BCAR3: variants seen among roughly 807,000 people sequenced by gnomAD.
BCAR3 encodes the protein breast cancer anti-estrogen resistance protein 3.
In BCAR3, 37 loss-of-function variants were observed where a neutral mutation model predicts 80.1. The ratio of observed to expected loss-of-function variants is 0.46; its 90% CI spans 0.36 to 0.61. The LOEUF (loss-of-function observed/expected upper bound fraction) is 0.61. Ranked by LOEUF, BCAR3 falls within the 20% of genes least tolerant of loss-of-function variation. The pLI, the probability that BCAR3 is intolerant of heterozygous loss-of-function variation, is 0.00. For missense variants in BCAR3, 978 were observed against 1,068.2 expected, an observed-to-expected ratio of 0.92 and a Z score of 1.18; for synonymous variants, 389 against 418.9, an observed-to-expected ratio of 0.93 and a Z score of 0.87.
chr1:93,654,768 A>AG (rs1251079614), intron 2 of BCAR3, among the ~76,000 whole-genome samples: 1 of 152,076 alleles, frequency 6.6e-6, no homozygotes, highest in African/African-American at 2.4e-5. Context: ...CCAGATACTC[A>AG]GGGGCTTGCT....
chr1:93,618,733 C>T (rs961541518), intron 3 of BCAR3, among the ~76,000 whole-genome samples: 1 of 152,162 alleles, frequency 6.6e-6, no homozygotes, highest in Non-Finnish European at 1.5e-5. Context: ...GACATAATCC[C>T]AAGCTCTCAA....
chr1:93,674,867 C>G lies in BCAR3; in HGVS notation c.64G>C (p.Ala22Pro). 1 of 1,585,236 alleles carries G rather than the reference C, an allele frequency of 6.3e-7. No homozygotes were observed. The highest frequency in any genetic ancestry group is 8.5e-7 in the Non-Finnish European group (1 of 1,170,584). ...CTGCTCAGAAGGTCCATGGATGAGG[C>G]CAGGGGGAACTGGTGATTCACCGGC... ...NMPVNHQFPL[A>P]SSMDLLSSRS... Residue 22 changes from alanine (A) to proline (P), a missense_variant, in exon 2 of 12, where the codon GCC (alanine) becomes CCC (proline). Transcript: ENST00000260502.
rs1426219722 is a variant in BCAR3 at position 93,580,963 on chromosome 1, C to A, written c.1686+1338G>T. 3.3e-5 allele frequency among the ~76,000 whole-genome samples: 5 copies of A among 152,242 alleles called. No homozygotes were observed. In the South Asian group the frequency reaches 1.0e-3, roughly 32 times the overall value. On this transcript the variant is annotated intron_variant, in intron 7 of 11. Coordinates refer to ENST00000260502, the MANE Select transcript of BCAR3 (RefSeq NM_003567.4). ...ATCACTTGAGCTCAGGAGTTCAAGACCAGCCTGAGCAACATGGCAAAACCC... is the reference window on the plus strand; with the variant it reads ...ATCACTTGAGCTCAGGAGTTCAAGAACAGCCTGAGCAACATGGCAAAACCC...
intron 2 of BCAR3, among the ~76,000 whole-genome samples, chr1:93,771,612 T>C (rs934232618): frequency 6.6e-6 from 1 of 152,240 alleles, no homozygotes; most frequent in Non-Finnish European, 1.5e-5. Context: ...AGTCATAAGT[T>C]AGAATGTCTG....
At chr1:93,768,702 C>T (rs1291244337) in intron 2 of BCAR3, among the ~76,000 whole-genome samples, 4 of 152,176 alleles carry the variant, frequency 2.6e-5, no homozygotes. Flanking sequence ...GCCCAGGGCC[C>T]CTGTGGGGAA....
chr1:93,719,343 T>TTG (rs1331648622), intron 2 of BCAR3, among the ~76,000 whole-genome samples: 2 of 130,832 alleles, frequency 1.5e-5, no homozygotes, highest in Non-Finnish European at 3.3e-5. Context: ...TGTTTTTTTT[T>TTG]TTTTTTTTTT....
intron 2 of BCAR3, among the ~76,000 whole-genome samples, chr1:93,764,952 A>G (rs1380295453): frequency 6.6e-6 from 1 of 152,148 alleles, no homozygotes; most frequent in African/African-American, 2.4e-5. Context: ...ACATGTTTGC[A>G]TCTCCTGTTC....
At chr1:93,653,791 T>C (rs1211068564) in intron 2 of BCAR3, among the ~76,000 whole-genome samples, 7 of 152,174 alleles carry the variant, frequency 4.6e-5, no homozygotes, top group African/African-American at 1.7e-4. Context: ...AAGCCCCACA[T>C]GGGGTAGGTG....
chr1:93,845,216 T>A (rs1655106238), intron 2 of BCAR3, among the ~76,000 whole-genome samples: 1 of 151,864 alleles, frequency 6.6e-6, no homozygotes, highest in Non-Finnish European at 1.5e-5. Flanking sequence ...GCAGAATTCC[T>A]CTGTATGGTT....
At chr1:93,656,893 G>A (rs928746475) in intron 2 of BCAR3, among the ~76,000 whole-genome samples, 4 of 152,084 alleles carry the variant, frequency 2.6e-5, no homozygotes, top group Admixed American at 2.6e-4. Context: ...AGTCTTTGTG[G>A]GTCTCAGGCT....
intron 2 of BCAR3, among the ~76,000 whole-genome samples, chr1:93,835,449 T>A (rs932924859): frequency 6.6e-6 from 1 of 152,026 alleles, no homozygotes; most frequent in African/African-American, 2.4e-5. Context: ...TCCCACCTAC[T>A]CTCCCACTGA....
chr1:93,654,214 T>C (rs1647257524), intron 2 of BCAR3, among the ~76,000 whole-genome samples: 1 of 152,152 alleles, frequency 6.6e-6, no homozygotes, highest in Non-Finnish European at 1.5e-5. Context: ...ACAGGGATTT[T>C]GTAGATGGAA....
intron 2 of BCAR3, among the ~76,000 whole-genome samples, chr1:93,652,719 G>A (rs1041805926): frequency 6.6e-6 from 1 of 151,670 alleles, no homozygotes; most frequent in Non-Finnish European, 1.5e-5. Flanking sequence ...ATCTCTACTT[G>A]CAACGGAGGG....
chr1:93,571,972 GT>G, intron 8 of BCAR3, 131 bp from the exon 9 acceptor site: 2 of 1,100,060 alleles, frequency 1.8e-6, no homozygotes, highest in Non-Finnish European at 1.3e-6. Context: ...CGGCAGCACA[GT>G]TTAGACGGCC....
chr1:93,584,870 A>G, intron 5 of BCAR3: 1 of 602,404 alleles, frequency 1.7e-6, no homozygotes, highest in South Asian at 7.3e-5. Flanking sequence ...CCCTAGCTAG[A>G]GACAGAGGCA....
At chr1:93,622,469 G>A (rs1490934263) in intron 3 of BCAR3, among the ~76,000 whole-genome samples, 1 of 152,110 alleles carries the variant, frequency 6.6e-6, no homozygotes, top group Non-Finnish European at 1.5e-5. Flanking sequence ...GGCAACACAG[G>A]CAGCAGATCT....
chr1:93,685,579 A>G (rs975886714), upstream of BCAR3, among the ~76,000 whole-genome samples: 28 of 152,194 alleles, frequency 1.8e-4, no homozygotes, highest in African/African-American at 6.3e-4. Context: ...CTTGTTTCCA[A>G]TCCTTTCTTA....
At chr1:93,732,647 A>T (rs1650828908) in intron 2 of BCAR3, among the ~76,000 whole-genome samples, 2 of 152,140 alleles carry the variant, frequency 1.3e-5, no homozygotes. Context: ...AAAGAAAAAG[A>T]AAAGAAAAGG....
chr1:93,803,579 A>G (rs1195517763), intron 2 of BCAR3, among the ~76,000 whole-genome samples: 2 of 152,166 alleles, frequency 1.3e-5, no homozygotes, highest in Non-Finnish European at 2.9e-5. Flanking sequence ...TTCAAACACA[A>G]TAGGTTCATT....
Sources: allele counts gnomAD v4.1 joint callset (sites outside exome capture counted in the v4.1 genomes callset), GRCh38; gene constraint gnomAD v4.1.1; transcripts MANE v1.5; gene names NCBI Gene and HGNC (gene_info 2026-07-23, HGNC 2026-07-21).